The following SCTR variants were observed in gnomAD, a reference collection of about 807,000 sequenced individuals.
SCTR encodes the protein pancreatic secretin receptor.
A neutral mutation model predicts 60.8 loss-of-function variants in SCTR; 56 were observed. The ratio of observed to expected loss-of-function variants is 0.92; its 90% CI spans 0.74 to 1.15. SCTR has a LOEUF of 1.15. Ranked by LOEUF, SCTR falls within the 50% of genes most tolerant of loss-of-function variation. The probability of loss-of-function intolerance (pLI) is 0.00; values close to 1 mark genes in which losing one functional copy is unlikely to be tolerated. For synonymous variants in SCTR, 202 were observed against 217.0 expected (o/e 0.93, Z 0.61); for missense variants, 562 against 550.4 (o/e 1.02, Z -0.21).
chr2:119,494,555 G>A lies in SCTR; in HGVS notation c.73-7C>T, dbSNP rs530927190. 51 of 1,613,466 alleles carry A rather than the reference G, an allele frequency of 3.2e-5. No homozygotes were observed. Among genetic ancestry groups the A allele is most frequent in the Non-Finnish European group, 4.2e-5 (50 of 1,179,698 alleles). On this transcript the variant is annotated splice_region_variant and splice_polypyrimidine_tract_variant and intron_variant, in intron 1 of 12. Transcript: ENST00000019103. ...GTCGGGGAAGGGCTCCAGTCTGCAA[G>A]TCCAAAACCAGGGATGCTCATCATT...
intron 1 of SCTR, among the ~76,000 whole-genome samples, chr2:119,505,082 G>A (rs1678689450): frequency 6.6e-6 from 1 of 152,096 alleles, no homozygotes; most frequent in African/African-American, 2.4e-5. Flanking sequence ...ACTGTTGGTG[G>A]AACTGTAAAC....
chr2:119,491,265 T>C (rs924102610), intron 2 of SCTR, among the ~76,000 whole-genome samples: 1 of 152,134 alleles, frequency 6.6e-6, no homozygotes, highest in South Asian at 2.1e-4. Flanking sequence ...GGCTTTTGCT[T>C]CTCTTAGGAT....
chr2:119,473,488 C>G lies in SCTR; in HGVS notation c.370G>C (p.Gly124Arg). Residue 124 changes from glycine (G) to arginine (R), a missense_variant, in exon 4 of 13, where the codon GGC becomes CGC. Physicochemically the swap from Gly to Arg is moderately radical, Grantham distance 125. Transcript: ENST00000019103. Reference sequence around the variant, plus strand: ...TTGGAAGAGTCGTTCACATTAACGCCACAGGCCAGATTAGGCCTGGGGAAG... The same window carrying G: ...TTGGAAGAGTCGTTCACATTAACGCGACAGGCCAGATTAGGCCTGGGGAAG... ...ETFPRPNLAC[G>R]VNVNDSSNEK... 1 of 1,614,050 alleles carries G rather than the reference C, an allele frequency of 6.2e-7. No homozygotes were observed.
rs1476367924 is a variant in SCTR, at chr2:119,446,894, A to G, written c.1014-9T>C. ...TGGACCTGGCCAGGCGCCTGGGGAC[A>G]CAGAAAGCCTGTAGCCTCCACTCTG... On this transcript the variant is annotated splice_polypyrimidine_tract_variant and intron_variant, in intron 10 of 12. Coordinates refer to ENST00000019103, the MANE Select transcript of SCTR (RefSeq NM_002980.3). 1 of 1,498,920 alleles carries G rather than the reference A, an allele frequency of 6.7e-7. No homozygotes were observed. Among genetic ancestry groups the G allele is most frequent in the Non-Finnish European group, 8.9e-7 (1 of 1,120,622 alleles). 92.9% of individuals were successfully genotyped at this position (1,498,920 alleles called of 1,614,324 possible).
At chr2:119,443,387 A>G (rs1277028725) in intron 11 of SCTR, among the ~76,000 whole-genome samples, 2 of 152,232 alleles carry the variant, frequency 1.3e-5, no homozygotes, top group Admixed American at 1.3e-4. Context: ...GTGGAAAGAA[A>G]AGAGACGGAA....
At chr2:119,522,746 T>C (rs1679326448) in intron 1 of SCTR, among the ~76,000 whole-genome samples, 1 of 152,150 alleles carries the variant, frequency 6.6e-6, no homozygotes, top group African/African-American at 2.4e-5. Flanking sequence ...AGGAAGGAGC[T>C]ATTGCCTCTC....
At chr2:119,475,298 C>G (rs1041477956) in intron 3 of SCTR, among the ~76,000 whole-genome samples, 5 of 152,174 alleles carry the variant, frequency 3.3e-5, no homozygotes, top group Admixed American at 6.5e-5. Context: ...AGGCCAGAAT[C>G]GAAGGTTATA....
At chr2:119,440,313 C>A (rs1435543700) in intron 12 of SCTR, 56 bp from the exon 13 acceptor site, 1 of 1,567,082 alleles carries the variant, frequency 6.4e-7, no homozygotes, top group South Asian at 1.2e-5. Context: ...GTGCCTGGAG[C>A]CCTGCTCACT....
At chr2:119,481,819 ACCAGT>A (rs534378491) in intron 2 of SCTR, among the ~76,000 whole-genome samples, 193 of 152,278 alleles carry the variant, frequency 1.3e-3, no homozygotes, top group African/African-American at 4.4e-3. Context: ...TGCCTCCCAC[ACCAGT>A]CCCGCCAGGC....
chr2:119,473,727 T>C (rs2587702), intron 3 of SCTR, among the ~76,000 whole-genome samples, 171 bp from the exon 4 acceptor site: 131,774 of 152,118 alleles, frequency 0.87, 57,165 homozygotes, highest in African/African-American at 0.9. Context: ...AGGGGGAAAG[T>C]GATTTGAACC....
At chr2:119,505,395 C>T (rs554225953) in intron 1 of SCTR, among the ~76,000 whole-genome samples, 21 of 150,958 alleles carry the variant, frequency 1.4e-4, no homozygotes, top group Admixed American at 4.0e-4. Context: ...ATGGGTGTAG[C>T]GCACCAACAT....
At position 119,494,607 on chromosome 2, in the gene SCTR, G is replaced by A. The variant is rs1456650776; in HGVS notation, c.73-59C>T. On this transcript the variant is annotated intron_variant, in intron 1 of 12. Coordinates refer to ENST00000019103, the MANE Select transcript of SCTR (RefSeq NM_002980.3). ...CCACTAACTCAATTTTGCCACATGG[G>A]GGAGAATGGGGCAAGACAATGCAGA... 9.5e-6 allele frequency: 15 copies of A among 1,580,488 alleles called. No homozygotes were observed. In the African/African-American group the frequency reaches 1.1e-4, roughly 11 times the overall value.
intron 11 of SCTR, among the ~76,000 whole-genome samples, chr2:119,442,631 A>C (rs1191108225): frequency 6.6e-6 from 1 of 152,198 alleles, no homozygotes; most frequent in Non-Finnish European, 1.5e-5. Flanking sequence ...TTTGCTTTAG[A>C]ATTTCAGGTA....
intron 2 of SCTR, among the ~76,000 whole-genome samples, chr2:119,484,133 C>A (rs912093052): frequency 3.3e-5 from 5 of 152,048 alleles, no homozygotes; most frequent in African/African-American, 1.2e-4. Context: ...AAGCGGCATT[C>A]ATTGAGATAG....
intron 2 of SCTR, 195 bp from the exon 3 acceptor site, chr2:119,479,113 G>T (rs1677481523): frequency 7.2e-7 from 1 of 1,390,090 alleles, no homozygotes. Context: ...CATGTACACG[G>T]TAGTGCTCAG....
At chr2:119,492,832 ATATTTATTTATTTATTTATTTATT>A (rs71788049) in intron 2 of SCTR, among the ~76,000 whole-genome samples, 10 of 147,172 alleles carry the variant, frequency 6.8e-5, no homozygotes, top group Middle Eastern at 3.4e-3. Flanking sequence ...TACTTTTTTA[ATATTTATTTATTTATTTATTTATT>A]TATTTATTTA....
chr2:119,460,455 G>C, intron 7 of SCTR, among the ~76,000 whole-genome samples: 1 of 151,892 alleles, frequency 6.6e-6, no homozygotes, highest in Non-Finnish European at 1.5e-5. Context: ...TGGATGGATG[G>C]ATGGATGGAT....
At chr2:119,465,747 T>C (rs1270190941) in intron 5 of SCTR, 42 bp downstream of exon 5, 1 of 1,356,154 alleles carries the variant, frequency 7.4e-7, no homozygotes, top group South Asian at 1.2e-5. Context: ...AGTCTGTACC[T>C]GAGGAGGGCT....
intron 4 of SCTR, 68 bp downstream of exon 4, chr2:119,473,385 C>G: frequency 8.9e-7 from 1 of 1,128,408 alleles, no homozygotes; most frequent in Non-Finnish European, 1.3e-6. Context: ...AGGGCCTCCT[C>G]TCCCAGGGCC....
Sources: allele counts gnomAD v4.1 joint callset (sites outside exome capture counted in the v4.1 genomes callset), GRCh38; gene constraint gnomAD v4.1.1; transcripts MANE v1.5; gene names NCBI Gene and HGNC (gene_info 2026-07-23, HGNC 2026-07-21).